EPB41L1: variants seen among roughly 807,000 people sequenced by gnomAD.
EPB41L1 encodes band 4.1-like protein 1.
In EPB41L1, 29 loss-of-function variants were observed where a neutral mutation model predicts 97.8. The ratio of observed to expected loss-of-function variants is 0.30; its 90% CI spans 0.22 to 0.40. The LOEUF is 0.40. Among genes scored for constraint, EPB41L1 ranks in the 10% least tolerant of loss-of-function variants. The pLI is 1.00. For missense variants in EPB41L1, 812 were observed against 1,162.3 expected (o/e 0.70, Z 4.38); for synonymous variants, 383 against 459.2 (o/e 0.83, Z 2.12).
intron 21 of EPB41L1, among the ~76,000 whole-genome samples, chr20:36,224,441 A>G (rs1214050240): frequency 6.6e-6 from 1 of 152,156 alleles, no homozygotes; most frequent in Non-Finnish European, 1.5e-5. Flanking sequence ...TGAGGTCAGG[A>G]GTTTGAGATC....
chr20:36,108,696 G>T (rs1231524678), intron 1 of EPB41L1, among the ~76,000 whole-genome samples: 1 of 152,056 alleles, frequency 6.6e-6, no homozygotes, highest in Non-Finnish European at 1.5e-5. Flanking sequence ...AAAATAAAAT[G>T]TAGCTACTAT....
rs532622577 is a variant in EPB41L1, at chr20:36,224,281, CAAT to C, written c.2637+1891_2637+1893del. On this transcript the variant is annotated intron_variant, in intron 21 of 21. Transcript: ENST00000338074. ...TTAATATAAAAAAAGTAAATAATCT[CAAT>C]AATTTTTACATTGGTTACATATTTA... 7.2e-5 allele frequency among the ~76,000 whole-genome samples: 11 copies of C among 152,300 alleles called. No homozygotes were observed. The East Asian group carries it at 2.1e-3, about 29-fold the overall frequency.
At chr20:36,110,020 C>A (rs1391933549) in intron 1 of EPB41L1, 1 of 151,748 alleles carries the variant, frequency 6.6e-6, no homozygotes, top group African/African-American at 2.4e-5. Flanking sequence ...CGGCTCACCG[C>A]GACCTCTGCC....
At chr20:36,120,098 T>C (rs1242715417) in intron 2 of EPB41L1, among the ~76,000 whole-genome samples, 6 of 152,210 alleles carry the variant, frequency 3.9e-5, no homozygotes, top group Admixed American at 3.9e-4. Context: ...TCGGTAACAT[T>C]AGCACTAAGC....
intron 1 of EPB41L1, among the ~76,000 whole-genome samples, chr20:36,168,536 CTT>C (rs540248862): frequency 2.6e-4 from 36 of 140,618 alleles, no homozygotes; most frequent in South Asian, 2.3e-4. Context: ...ATGTTAAGTG[CTT>C]TTTTTTTTTT....
At chr20:36,156,440 A>C (rs147857687) in intron 1 of EPB41L1, among the ~76,000 whole-genome samples, 1 of 152,300 alleles carries the variant, frequency 6.6e-6, no homozygotes, top group African/African-American at 2.4e-5. Context: ...CACTCAGTCG[A>C]TATTGAAAGG....
intron 14 of EPB41L1, among the ~76,000 whole-genome samples, chr20:36,199,380 G>A (rs1349979313): frequency 6.6e-6 from 1 of 152,182 alleles, no homozygotes; most frequent in African/African-American, 2.4e-5. Context: ...TAAAGACCAG[G>A]TAGAGAGTCA....
chr20:36,162,288 C>G (rs1029351257), intron 1 of EPB41L1, among the ~76,000 whole-genome samples: 10 of 152,206 alleles, frequency 6.6e-5, no homozygotes, highest in Non-Finnish European at 1.3e-4. Flanking sequence ...TGTAAAGTGC[C>G]CTGCATGTGG....
chr20:36,124,992 C>G (rs1410247309), intron 2 of EPB41L1, among the ~76,000 whole-genome samples: 2 of 151,800 alleles, frequency 1.3e-5, no homozygotes, highest in Admixed American at 1.3e-4. Flanking sequence ...CTTGGGGGTC[C>G]CTGATGCTCA....
At chr20:36,134,562 C>T (rs562120498) in intron 2 of EPB41L1, among the ~76,000 whole-genome samples, 1 of 152,290 alleles carries the variant, frequency 6.6e-6, no homozygotes, top group South Asian at 2.1e-4. Context: ...TTTATTCCCA[C>T]GAGAATAGAG....
intron 1 of EPB41L1, among the ~76,000 whole-genome samples, chr20:36,105,078 T>G (rs1283445866): frequency 6.6e-6 from 1 of 151,980 alleles, no homozygotes; most frequent in African/African-American, 2.4e-5. Flanking sequence ...AAGGGCCACA[T>G]AGGTGGGAAC....
intron 21 of EPB41L1, among the ~76,000 whole-genome samples, chr20:36,224,635 G>A (rs1220694348): frequency 1.3e-5 from 2 of 152,196 alleles, no homozygotes; most frequent in Non-Finnish European, 2.9e-5. Context: ...AACAGAGCGA[G>A]ACTCCGTCTC....
intron 1 of EPB41L1, among the ~76,000 whole-genome samples, chr20:36,108,717 A>G (rs1841746511): frequency 1.3e-5 from 2 of 152,362 alleles, no homozygotes; most frequent in South Asian, 4.1e-4. Flanking sequence ...ACACTTTTAA[A>G]TTACATATGT....
chr20:36,182,382 C>T, intron 6 of EPB41L1, 35 bp downstream of exon 6: 1 of 1,608,308 alleles, frequency 6.2e-7, no homozygotes, highest in Non-Finnish European at 8.5e-7. Context: ...GGTGTGCTGG[C>T]TGTGTGGGAC....
intron 2 of EPB41L1, among the ~76,000 whole-genome samples, chr20:36,119,516 C>T (rs1332730074): frequency 2.0e-5 from 3 of 152,114 alleles, no homozygotes; most frequent in Admixed American, 1.3e-4. Flanking sequence ...GCAGGAGAAT[C>T]GCTTGAACCT....
chr20:36,104,363 G>A (rs760718601), intron 1 of EPB41L1, among the ~76,000 whole-genome samples: 7 of 152,196 alleles, frequency 4.6e-5, no homozygotes, highest in Admixed American at 2.0e-4. Context: ...AGAGCAGAGC[G>A]GAAGCAGAGT....
At chr20:36,139,890 C>T (rs958928195) in intron 2 of EPB41L1, among the ~76,000 whole-genome samples, 1 of 152,060 alleles carries the variant, frequency 6.6e-6, no homozygotes, top group African/African-American at 2.4e-5. Context: ...TGCCACCATG[C>T]CTGGCTAATT....
intron 2 of EPB41L1, among the ~76,000 whole-genome samples, chr20:36,142,644 T>A (rs2059683433): frequency 6.6e-6 from 1 of 152,136 alleles, no homozygotes; most frequent in Non-Finnish European, 1.5e-5. Flanking sequence ...GAGGGAGGCA[T>A]CAATAGCCAC....
At position 36,194,320 on chromosome 20, in the gene EPB41L1, A is replaced by G. The variant is rs1181882533; in HGVS notation, c.1409A>G (p.Glu470Gly). The G allele has an allele frequency of 6.2e-7, 1 of 1,613,992 alleles. No homozygotes were observed. The highest frequency in any genetic ancestry group is 2.2e-5 in the East Asian group (1 of 44,880). Residue 470 changes from glutamate (E) to glycine (G), a missense_variant, in exon 12 of 22, where the codon GAG becomes GGG. Physicochemically the swap from Glu to Gly is moderately conservative, Grantham distance 98. Coordinates refer to ENST00000338074, the MANE Select transcript of EPB41L1 (RefSeq NM_012156.2). The stretch of plus-strand genomic sequence containing the variant: ...GGGGGGCAACGGTCAGAGGCTGAGG[A>G]GGGAGAGGTCAGGACTCCAACCAAG... Reference protein sequence around the residue: ...ESGGQRSEAEEGEVRTPTKIK... With the variant: ...ESGGQRSEAEGGEVRTPTKIK...
Sources: gnomAD v4.1 joint callset for allele counts (sites outside exome capture counted in the v4.1 genomes callset) on GRCh38, gnomAD v4.1.1 for gene constraint, MANE v1.5 for transcripts, NCBI Gene and HGNC (gene_info 2026-07-23, HGNC 2026-07-21) for gene names.